The following LRIG3 variants were observed in gnomAD, a reference collection of about 807,000 sequenced individuals.
LRIG3 encodes leucine-rich repeats and immunoglobulin-like domains protein 3.
Under a neutral mutation model 114.5 loss-of-function variants are expected in LRIG3, and 76 were observed. That is an observed-to-expected ratio of 0.66 (90% CI 0.55 to 0.80). LRIG3 has a LOEUF of 0.80. LRIG3 is among the 30% of genes least tolerant of loss of function. The pLI is 0.00. For synonymous variants in LRIG3, 512 were observed against 519.8 expected (o/e 0.98, Z 0.20); for missense variants, 1,239 against 1,382.8 (o/e 0.90, Z 1.65).
Position 58,877,525 on chromosome 12 carries a change from C to T in LRIG3, c.2411G>A (p.Gly804Glu), listed in dbSNP as rs1870964400. ...GATCACGACACCCACAGTGGCCCATCCGTCATCGTCTAACGATGGGGCTGT... is the reference window on the plus strand; with the variant it reads ...GATCACGACACCCACAGTGGCCCATTCGTCATCGTCTAACGATGGGGCTGT... The part of the protein sequence containing the change: ...QMTAPSLDDD[G>E]WATVGVVIIA... Residue 804 changes from glycine to glutamate, a missense_variant, in exon 15 of 19, where the codon GGA becomes GAA. Transcript: ENST00000320743. The T allele has an allele frequency of 6.2e-7, 1 of 1,614,104 alleles. No individual in the cohort carries two copies. The highest frequency in any genetic ancestry group is 1.3e-5 in the African/African-American group (1 of 74,926).
At chr12:58,900,695 T>C (rs1036481323) in intron 3 of LRIG3, among the ~76,000 whole-genome samples, 14 of 152,246 alleles carry the variant, frequency 9.2e-5, no homozygotes, top group African/African-American at 3.1e-4. Context: ...CAGAAAACAC[T>C]GCATCAGTTA....
chr12:58,907,614 T>G (rs1036744895), intron 3 of LRIG3, among the ~76,000 whole-genome samples: 1 of 152,202 alleles, frequency 6.6e-6, no homozygotes, highest in Non-Finnish European at 1.5e-5. Context: ...ATTATGCCAT[T>G]TGATCCTTTA....
chr12:58,900,248 T>C (rs1298616374), intron 3 of LRIG3, among the ~76,000 whole-genome samples: 2 of 152,054 alleles, frequency 1.3e-5, no homozygotes, highest in Non-Finnish European at 2.9e-5. Flanking sequence ...TCTTTATAGG[T>C]TCTAAATTCC....
intron 1 of LRIG3, chr12:58,914,576 G>T (rs1872406981): frequency 2.2e-6 from 1 of 457,678 alleles, no homozygotes; most frequent in Non-Finnish European, 3.9e-6. Context: ...TTTAAGAGAT[G>T]TTTTTTTGGC....
At chr12:58,893,555 A>G (rs1224404961) in intron 3 of LRIG3, among the ~76,000 whole-genome samples, 1 of 152,152 alleles carries the variant, frequency 6.6e-6, no homozygotes, top group Non-Finnish European at 1.5e-5. Flanking sequence ...GCCTGTGTAT[A>G]AAGTCCTTGA....
chr12:58,916,078 A>C (rs1473593242), intron 1 of LRIG3, among the ~76,000 whole-genome samples: 2 of 152,200 alleles, frequency 1.3e-5, no homozygotes, highest in African/African-American at 4.8e-5. Context: ...AAAAATAAAA[A>C]AACACTAAAA....
At chr12:58,906,006 T>C (rs1205140612) in intron 3 of LRIG3, among the ~76,000 whole-genome samples, 1 of 152,190 alleles carries the variant, frequency 6.6e-6, no homozygotes, top group East Asian at 1.9e-4. Context: ...GTCCTTTACA[T>C]GTGAAGCAAA....
At chr12:58,883,155 A>G in intron 11 of LRIG3, 123 bp from the exon 12 acceptor site, 5 of 887,364 alleles carry the variant, frequency 5.6e-6, no homozygotes, top group Non-Finnish European at 8.3e-6. Flanking sequence ...ATCCCATGGA[A>G]TAAGTATCCC....
intron 8 of LRIG3, 67 bp from the exon 9 acceptor site, chr12:58,886,957 G>T: frequency 8.3e-7 from 1 of 1,209,734 alleles, no homozygotes; most frequent in Non-Finnish European, 1.2e-6. Context: ...CCACCCAGGT[G>T]GCATATCATT....
intron 3 of LRIG3, among the ~76,000 whole-genome samples, chr12:58,904,140 A>G (rs1871974488): frequency 1.3e-5 from 2 of 152,186 alleles, no homozygotes; most frequent in Non-Finnish European, 2.9e-5. Context: ...TTAGTACTTA[A>G]GCAACTTTCA....
intron 1 of LRIG3, among the ~76,000 whole-genome samples, chr12:58,915,248 G>A (rs1244512951): frequency 2.6e-5 from 4 of 152,184 alleles, no homozygotes; most frequent in African/African-American, 9.7e-5. Flanking sequence ...AATGGTTCCA[G>A]AGTGATGAAA....
At chr12:58,904,538 A>C (rs2120958650) in intron 3 of LRIG3, among the ~76,000 whole-genome samples, 1 of 152,318 alleles carries the variant, frequency 6.6e-6, no homozygotes, top group African/African-American at 2.4e-5. Context: ...TTTTGTGGCA[A>C]GCTATACTGA....
chr12:58,899,350 T>G (rs553624676), intron 3 of LRIG3, among the ~76,000 whole-genome samples: 1 of 152,348 alleles, frequency 6.6e-6, no homozygotes, highest in South Asian at 2.1e-4. Flanking sequence ...CTGACGTCTC[T>G]TTGTGAAATT....
chr12:58,897,023 T>A (rs558363127), intron 3 of LRIG3, among the ~76,000 whole-genome samples: 3 of 152,204 alleles, frequency 2.0e-5, no homozygotes, highest in Admixed American at 6.5e-5. Context: ...TTGACTGGAA[T>A]AACTAACACC....
intron 15 of LRIG3, among the ~76,000 whole-genome samples, 154 bp downstream of exon 15, chr12:58,877,246 G>A (rs961218711): frequency 2.0e-5 from 3 of 152,170 alleles, no homozygotes; most frequent in African/African-American, 4.8e-5. Context: ...ATTTGGGGCT[G>A]GAGTTTTTTA....
At chr12:58,883,147 C>G in intron 11 of LRIG3, 115 bp from the exon 12 acceptor site, 1 of 962,332 alleles carries the variant, frequency 1.0e-6, no homozygotes, top group African/African-American at 1.7e-5. Context: ...ATACACACAT[C>G]CCATGGAATA....
intron 3 of LRIG3, among the ~76,000 whole-genome samples, chr12:58,904,247 T>A (rs1871978376): frequency 6.6e-6 from 1 of 151,976 alleles, no homozygotes; most frequent in South Asian, 2.1e-4. Flanking sequence ...AGAAGACAAC[T>A]GAGAAACCAA....
chr12:58,875,407 T>C (rs555837217), intron 16 of LRIG3, among the ~76,000 whole-genome samples: 1 of 152,354 alleles, frequency 6.6e-6, no homozygotes, highest in South Asian at 2.1e-4. Context: ...TTTTAGTTTA[T>C]CCACCTCTGA....
At chr12:58,889,381 G>C (rs1871376995) in intron 5 of LRIG3, among the ~76,000 whole-genome samples, 1 of 152,052 alleles carries the variant, frequency 6.6e-6, no homozygotes, top group African/African-American at 2.4e-5. Flanking sequence ...CTTCTTTTTA[G>C]GTTTAATGCT....
Sources: allele counts gnomAD v4.1 joint callset (sites outside exome capture counted in the v4.1 genomes callset), GRCh38; gene constraint gnomAD v4.1.1; transcripts MANE v1.5; gene names NCBI Gene and HGNC (gene_info 2026-07-23, HGNC 2026-07-21).